Variants in CDK14 observed in about 807,000 individuals in gnomAD.
CDK14 encodes cyclin dependent kinase 14, also known as cyclin-dependent kinase 14.
CDK14 carries 34 observed loss-of-function variants against 60.7 expected under a neutral mutation model. That is an observed-to-expected ratio of 0.56 (90% confidence interval 0.43 to 0.75). CDK14 has a LOEUF of 0.75. Ranked by LOEUF, CDK14 falls within the 30% of genes least tolerant of loss-of-function variation. The pLI, the probability that CDK14 is intolerant of heterozygous loss-of-function variation, is 0.00. For synonymous variants in CDK14, 197 were observed against 203.7 expected, an observed-to-expected ratio of 0.97 and a Z score of 0.28; for missense variants, 482 against 564.1, an observed-to-expected ratio of 0.85 and a Z score of 1.47.
chr7:90,917,808 ACTT>A (rs1584121643), intron 8 of CDK14, 84 bp downstream of exon 8: 4 of 1,344,086 alleles, frequency 3.0e-6, no homozygotes, highest in Non-Finnish European at 4.1e-6. Context: ...GTTTAGGTGC[ACTT>A]CTTCTATCAT....
rs3832536 is a variant in CDK14 at position 90,967,177 on chromosome 7, G to GGGAAGGAA, written c.947+11378_947+11385dup. 5.0e-3 allele frequency among the ~76,000 whole-genome samples: 688 copies of GGGAAGGAA among 136,352 alleles called. 8 individuals are homozygous for GGGAAGGAA. Among genetic ancestry groups the GGGAAGGAA allele is most frequent in the African/African-American group, 0.013 (487 of 36,144 alleles). The allele number at this position is 136,352 out of a possible 152,430, so 89.5% of individuals were successfully genotyped here. A position where few individuals can be genotyped will look rare whatever the true frequency, so the allele number is the denominator to read the frequency against. On this transcript the variant is annotated intron_variant, in intron 9 of 14. Coordinates refer to ENST00000380050, the MANE Select transcript of CDK14 (RefSeq NM_001287135.2). Reference sequence around the variant, plus strand: ...AGGGAGGGAGGGAGGGAAGGAAGGAGGGAAGGAAGGAAGGAAGGAAGGAAG... The same window carrying GGGAAGGAA: ...AGGGAGGGAGGGAGGGAAGGAAGGAGGGAAGGAAGGAAGGAAGGAAGGAAGGAAGGAAG...
chr7:91,093,093 A>G (rs1798876026), intron 12 of CDK14, among the ~76,000 whole-genome samples: 1 of 152,176 alleles, frequency 6.6e-6, no homozygotes, highest in African/African-American at 2.4e-5. Flanking sequence ...TTCTCCCTAA[A>G]CACACATCAC....
intron 2 of CDK14, among the ~76,000 whole-genome samples, chr7:90,606,365 G>A (rs893525145): frequency 1.3e-5 from 2 of 152,140 alleles, no homozygotes; most frequent in Non-Finnish European, 2.9e-5. Context: ...TTTCCTTTAA[G>A]GGTTAAGATA....
intron 9 of CDK14, among the ~76,000 whole-genome samples, chr7:90,977,399 C>T (rs938682845): frequency 2.0e-4 from 31 of 151,786 alleles, no homozygotes; most frequent in African/African-American, 6.8e-4. Flanking sequence ...TTATATAATG[C>T]GGAAGGAATG....
At chr7:90,695,443 C>G (rs998399152) in intron 2 of CDK14, among the ~76,000 whole-genome samples, 1 of 152,152 alleles carries the variant, frequency 6.6e-6, no homozygotes, top group Admixed American at 6.5e-5. Flanking sequence ...ATTCATTCAA[C>G]AAATGTTTAC....
At chr7:91,089,211 A>G (rs968862465) in intron 12 of CDK14, among the ~76,000 whole-genome samples, 4 of 152,178 alleles carry the variant, frequency 2.6e-5, no homozygotes, top group South Asian at 2.1e-4. Flanking sequence ...AACCACGTCA[A>G]CCATTCTTCC....
chr7:90,871,521 G>T (rs1195449911), intron 6 of CDK14, among the ~76,000 whole-genome samples: 1 of 152,054 alleles, frequency 6.6e-6, no homozygotes, highest in Non-Finnish European at 1.5e-5. Context: ...GAGAATTTGG[G>T]GAAGGCTGGC....
intron 14 of CDK14, among the ~76,000 whole-genome samples, chr7:91,140,178 AT>A (rs1562921594): frequency 6.6e-6 from 1 of 152,192 alleles, no homozygotes; most frequent in Non-Finnish European, 1.5e-5. Flanking sequence ...AAAACCGAGG[AT>A]CATGGAGAGA....
intron 3 of CDK14, among the ~76,000 whole-genome samples, chr7:90,739,259 G>A (rs1803252952): frequency 6.6e-6 from 1 of 152,280 alleles, no homozygotes; most frequent in Non-Finnish European, 1.5e-5. Flanking sequence ...ATGTGGCAAA[G>A]TATTAATTTT....
chr7:90,685,101 T>C (rs766401731), intron 2 of CDK14, among the ~76,000 whole-genome samples: 1 of 152,018 alleles, frequency 6.6e-6, no homozygotes, highest in Non-Finnish European at 1.5e-5. Context: ...TATAGTTTCA[T>C]CTTTTATATT....
At chr7:90,659,933 G>T (rs183422362) in intron 2 of CDK14, among the ~76,000 whole-genome samples, 1 of 148,692 alleles carries the variant, frequency 6.7e-6, no homozygotes, top group Admixed American at 6.8e-5. Flanking sequence ...AGATTTTTTG[G>T]ATTGACTCCA....
chr7:90,977,193 A>T (rs1795097794), intron 9 of CDK14, among the ~76,000 whole-genome samples: 2 of 152,034 alleles, frequency 1.3e-5, no homozygotes, highest in Admixed American at 1.3e-4. Flanking sequence ...AGAGCTTGTC[A>T]TTTTCCCTTG....
chr7:90,714,530 C>G (rs773588310), intron 2 of CDK14, among the ~76,000 whole-genome samples: 1 of 152,012 alleles, frequency 6.6e-6, no homozygotes, highest in Non-Finnish European at 1.5e-5. Flanking sequence ...AATTTTGGCT[C>G]TTTATAATAG....
chr7:90,972,509 T>TAC (rs1158057862), intron 9 of CDK14, among the ~76,000 whole-genome samples: 16 of 152,346 alleles, frequency 1.1e-4, no homozygotes, highest in Middle Eastern at 6.8e-3. Context: ...TACATATATA[T>TAC]ACATTCCTTC....
At chr7:90,664,033 A>G (rs1007594063) in intron 2 of CDK14, among the ~76,000 whole-genome samples, 1 of 152,204 alleles carries the variant, frequency 6.6e-6, no homozygotes, top group African/African-American at 2.4e-5. Context: ...AAATTTTTGC[A>G]ACCTACTCAT....
At chr7:90,780,021 G>A (rs1434330891) in intron 4 of CDK14, among the ~76,000 whole-genome samples, 1 of 152,136 alleles carries the variant, frequency 6.6e-6, no homozygotes, top group East Asian at 1.9e-4. Flanking sequence ...AGCTTTAGAA[G>A]TCTGGATTTT....
intron 2 of CDK14, among the ~76,000 whole-genome samples, chr7:90,647,805 A>G (rs886184511): frequency 2.0e-5 from 3 of 152,160 alleles, no homozygotes; most frequent in Non-Finnish European, 4.4e-5. Flanking sequence ...GCAGTGAGCT[A>G]TGGTTGCACC....
intron 4 of CDK14, among the ~76,000 whole-genome samples, chr7:90,750,621 C>A (rs1803799854): frequency 6.6e-6 from 1 of 152,130 alleles, no homozygotes; most frequent in African/African-American, 2.4e-5. Flanking sequence ...ACTTGTAATC[C>A]CAGCACTTTG....
intron 10 of CDK14, among the ~76,000 whole-genome samples, chr7:90,988,123 G>A (rs1795423801): frequency 1.3e-5 from 2 of 152,038 alleles, no homozygotes; most frequent in African/African-American, 4.8e-5. Context: ...AAGTCTTTAT[G>A]TTTTTCTTTC....
Sources: gnomAD v4.1 joint callset for allele counts (sites outside exome capture counted in the v4.1 genomes callset) on GRCh38, gnomAD v4.1.1 for gene constraint, MANE v1.5 for transcripts, NCBI Gene and HGNC (gene_info 2026-07-23, HGNC 2026-07-21) for gene names.